ZNF345: variants seen among roughly 807,000 people sequenced by gnomAD.
ZNF345 encodes the protein zinc finger protein HZF10.
For synonymous variants in ZNF345, 166 were observed against 187.9 expected (o/e 0.88, Z 0.95); for missense variants, 527 against 589.9 (o/e 0.89, Z 1.10).
At chr19:36,882,299 C>T (rs946219399), downstream of ZNF345, among the ~76,000 whole-genome samples, 1 of 151,816 alleles carries the variant, frequency 6.6e-6, no homozygotes, top group African/African-American at 2.4e-5. Flanking sequence ...GATGGAGTCT[C>T]GCTCTGTCAC....
At chr19:36,872,657 TCTTTTCTTTATAAGTTA>T (rs1399784055) in intron 2 of ZNF345, 1 of 152,554 alleles carries the variant, frequency 6.6e-6, no homozygotes, top group Non-Finnish European at 1.5e-5. Flanking sequence ...CAAATAAACC[TCTTTTCTTTATAAGTTA>T]CCCACTCTTA....
At chr19:36,858,015 G>A (rs528369164) in intron 2 of ZNF345, among the ~76,000 whole-genome samples, 2 of 151,986 alleles carry the variant, frequency 1.3e-5, no homozygotes, top group East Asian at 1.9e-4. Flanking sequence ...CCTGACCTCA[G>A]GTGATCCGCC....
At chr19:36,882,254 T>C (rs911562536), downstream of ZNF345, among the ~76,000 whole-genome samples, 2 of 152,122 alleles carry the variant, frequency 1.3e-5, no homozygotes, top group African/African-American at 4.8e-5. Context: ...TGAATATTGC[T>C]GTATCTGGGG....
intron 2 of ZNF345, chr19:36,854,447 C>G (rs1487616643): frequency 1.3e-5 from 2 of 152,150 alleles, no homozygotes; most frequent in Non-Finnish European, 2.9e-5. Flanking sequence ...ATTCTTTCCT[C>G]AGACCTCTAA....
downstream of ZNF345, among the ~76,000 whole-genome samples, chr19:36,881,622 GTA>G (rs546464470): frequency 6.6e-6 from 1 of 151,974 alleles, no homozygotes; most frequent in Non-Finnish European, 1.5e-5. Flanking sequence ...ATCAGCATTA[GTA>G]TATTTTATGT....
intron 2 of ZNF345, among the ~76,000 whole-genome samples, chr19:36,859,806 G>T (rs898108639): frequency 6.6e-6 from 1 of 151,792 alleles, no homozygotes; most frequent in African/African-American, 2.4e-5. Context: ...TTCACCAGTT[G>T]TTACCTTTTG....
chr19:36,889,681 A>G (rs2073032204), intron 3 of ZNF345: 1 of 152,042 alleles, frequency 6.6e-6, no homozygotes, highest in South Asian at 2.1e-4. Context: ...TGGTTAATCT[A>G]GCTAGTGGTC....
chr19:36,868,486 C>G (rs565107001), intron 2 of ZNF345, among the ~76,000 whole-genome samples: 1 of 152,100 alleles, frequency 6.6e-6, no homozygotes, highest in Admixed American at 6.6e-5. Flanking sequence ...TGTTCTTAGG[C>G]CAGTCCTTTT....
chr19:36,886,359 G>GA (rs1463218045), intron 3 of ZNF345, among the ~76,000 whole-genome samples: 4 of 152,140 alleles, frequency 2.6e-5, no homozygotes, highest in African/African-American at 9.7e-5. Flanking sequence ...TCACTCAGGT[G>GA]ATCAAGACCA....
At chr19:36,880,903 T>C (rs2072963922), downstream of ZNF345, among the ~76,000 whole-genome samples, 1 of 152,012 alleles carries the variant, frequency 6.6e-6, no homozygotes, top group South Asian at 2.1e-4. Context: ...TAGCTCTAAA[T>C]TCATTCATTT....
At chr19:36,867,740 A>G (rs944685324) in intron 2 of ZNF345, among the ~76,000 whole-genome samples, 8 of 152,174 alleles carry the variant, frequency 5.3e-5, no homozygotes, top group African/African-American at 1.4e-4. Context: ...TTGAAGAGAC[A>G]TTTCTTTCTC....
intron 2 of ZNF345, among the ~76,000 whole-genome samples, chr19:36,861,708 G>T (rs917847987): frequency 1.3e-5 from 2 of 151,906 alleles, no homozygotes; most frequent in African/African-American, 4.8e-5. Context: ...CTACAGGTGT[G>T]CACCACCACG....
At position 36,877,600 on chromosome 19, in the gene ZNF345, C is replaced by T. The variant is rs367854264; in HGVS notation, c.770C>T (p.Pro257Leu). The T allele has an allele frequency of 6.2e-7, 1 of 1,614,004 alleles. No homozygotes were observed. The highest frequency in any genetic ancestry group is 8.5e-7 in the Non-Finnish European group (1 of 1,179,986). The change falls in exon 3 of 3, where the codon CCA becomes CTA. Residue 257 changes from proline (P) to leucine (L), a missense_variant. Coordinates refer to ENST00000420450, the MANE Select transcript of ZNF345 (RefSeq NM_001242472.2). ...CAGAGAATTCATACCGGTGAGAAAC[C>T]ATATATATGTAATGAATGTGGTAAG... The part of the protein sequence containing the change: ...RHQRIHTGEK[P>L]YICNECGKAF...
chr19:36,892,764 T>C (rs1381883787), intron 3 of ZNF345: 3 of 464,096 alleles, frequency 6.5e-6, no homozygotes, highest in Non-Finnish European at 1.1e-5. Flanking sequence ...CCATCCTCCA[T>C]ATTATAGAGA....
intron 3 of ZNF345, among the ~76,000 whole-genome samples, chr19:36,884,951 T>G (rs73930863): frequency 0.024 from 3,693 of 152,298 alleles, 167 homozygotes; most frequent in African/African-American, 0.085. Flanking sequence ...AACCTTCTTA[T>G]ACATGTCTTT....
rs770183172 is a variant in ZNF345, at chr19:36,878,153, TACTC to T, written c.1325_1328del (p.Thr442SerfsTer45). On this transcript the variant is annotated frameshift_variant, in exon 3 of 3. Transcript: ENST00000420450. LOFTEE classifies it low-confidence loss of function (END_TRUNC). ...AGGCTTTTTATAGTGGCTCAAGCCT[TACTC>T]AGCATCAGAGAATTCATACAGGTGA... is the stretch of plus-strand genomic sequence containing the variant. 6.2e-7 allele frequency: 1 copy of T among 1,614,134 alleles called. No homozygotes were observed.
chr19:36,852,665 A>T (rs548404953), intron 2 of ZNF345, among the ~76,000 whole-genome samples: 1 of 152,058 alleles, frequency 6.6e-6, no homozygotes, highest in African/African-American at 2.4e-5. Flanking sequence ...TTTACCAAAC[A>T]TTGCCAAACT....
At chr19:36,871,321 G>A (rs1400495550) in intron 2 of ZNF345, among the ~76,000 whole-genome samples, 1 of 152,076 alleles carries the variant, frequency 6.6e-6, no homozygotes, top group East Asian at 1.9e-4. Flanking sequence ...TTTCATTTGG[G>A]GGTTGGGAGG....
At chr19:36,887,281 C>T (rs1334454640) in intron 3 of ZNF345, among the ~76,000 whole-genome samples, 1 of 152,028 alleles carries the variant, frequency 6.6e-6, no homozygotes, top group African/African-American at 2.4e-5. Flanking sequence ...AATGTGTTCT[C>T]CTGCTTAGAA....
Sources: allele counts gnomAD v4.1 joint callset (sites outside exome capture counted in the v4.1 genomes callset), GRCh38; gene constraint gnomAD v4.1.1; transcripts MANE v1.5; gene names NCBI Gene and HGNC (gene_info 2026-07-23, HGNC 2026-07-21).